CNTN6: variants seen among roughly 807,000 people sequenced by gnomAD.
CNTN6 encodes contactin 6, also known as contactin-6.
CNTN6 carries 137 observed loss-of-function variants against 122.8 expected under a neutral mutation model. The observed-to-expected ratio is 1.12, with a 90% CI of 0.97 to 1.29. The LOEUF (loss-of-function observed/expected upper bound fraction) is 1.29. CNTN6 is among the 50% of genes most tolerant of loss of function. The pLI is 0.00. For missense variants in CNTN6, 1,634 were observed against 1,223.4 expected (o/e 1.34, Z -5.01); for synonymous variants, 570 against 426.0 (o/e 1.34, Z -4.16).
At chr3:1,335,081 C>G (rs2133451) in intron 11 of CNTN6, among the ~76,000 whole-genome samples, 29,703 of 152,048 alleles carry the variant, frequency 0.2, 3,716 homozygotes, top group East Asian at 0.56. Context: ...AGTCAAAGAT[C>G]TGGGTTAAAG....
intron 1 of CNTN6, 24 bp from the exon 2 acceptor site, chr3:1,147,903 T>A: frequency 2.8e-6 from 2 of 716,770 alleles, no homozygotes; most frequent in Non-Finnish European, 4.9e-6. Flanking sequence ...GTTTTTCATT[T>A]CATGACAATT....
At chr3:1,384,758 TAC>T (rs1321490447) in intron 19 of CNTN6, among the ~76,000 whole-genome samples, 4,239 of 136,006 alleles carry the variant, frequency 0.031, 105 homozygotes, top group South Asian at 0.049. Context: ...CACATATATA[TAC>T]ATATATATAC....
At chr3:1,191,108 A>T (rs1038222039) in intron 2 of CNTN6, among the ~76,000 whole-genome samples, 12 of 152,158 alleles carry the variant, frequency 7.9e-5, no homozygotes, top group Non-Finnish European at 2.9e-5. Context: ...TAAAACTCTT[A>T]CAATTTCCTT....
At chr3:1,122,347 G>A (rs1239329938) in intron 1 of CNTN6, among the ~76,000 whole-genome samples, 1 of 145,874 alleles carries the variant, frequency 6.9e-6, no homozygotes, top group Non-Finnish European at 1.5e-5. Context: ...CGAGAGAGAG[G>A]GAAGGAGGGA....
chr3:1,369,744 C>A (rs953684198), intron 12 of CNTN6, among the ~76,000 whole-genome samples: 2 of 151,866 alleles, frequency 1.3e-5, no homozygotes, highest in African/African-American at 2.4e-5. Context: ...ACTTATCCTC[C>A]TATAAATGTA....
At chr3:1,116,520 C>T (rs916275834) in intron 1 of CNTN6, among the ~76,000 whole-genome samples, 13 of 152,032 alleles carry the variant, frequency 8.6e-5, no homozygotes, top group Admixed American at 7.2e-4. Flanking sequence ...CTATTTGAAT[C>T]TTCAGTGGAC....
chr3:1,300,528 AAAGAAAGAG>A (rs1402446112), intron 7 of CNTN6, among the ~76,000 whole-genome samples: 2,289 of 131,562 alleles, frequency 0.017, 92 homozygotes, highest in African/African-American at 0.086. Context: ...AAAGAAAGAT[AAAGAAAGAG>A]AGAGAAAGAA....
intron 1 of CNTN6, among the ~76,000 whole-genome samples, chr3:1,103,030 C>CG (rs1008033248): frequency 2.6e-5 from 4 of 151,370 alleles, no homozygotes; most frequent in Admixed American, 6.6e-5. Flanking sequence ...GGCGGGAACC[C>CG]GGGAGGCGGA....
At position 1,227,953 on chromosome 3, in the gene CNTN6, G is replaced by T. The variant is rs780463628; in HGVS notation, c.318G>T (p.Leu106=). 114 of 1,613,724 alleles carry T rather than the reference G, an allele frequency of 7.1e-5. 2 individuals are homozygous for T. In the South Asian group the frequency reaches 1.2e-3, roughly 17 times the overall value. The stretch of plus-strand genomic sequence containing the variant: ...ACCAGTGCCTGGCCACCAATCTTCT[G>T]GGGACAATTCTGAGTCGGAAGGCAA... ...GMYQCLATNL[L]GTILSRKAKL... The change falls in exon 4 of 23, where the codon CTG becomes CTT. Residue 106 remains leucine, a synonymous_variant. Coordinates refer to ENST00000446702, the MANE Select transcript of CNTN6 (RefSeq NM_001289080.2).
chr3:1,318,470 G>A (rs77437984), intron 7 of CNTN6, among the ~76,000 whole-genome samples: 1,701 of 151,884 alleles, frequency 0.011, 30 homozygotes, highest in African/African-American at 0.039. Flanking sequence ...ATTAGAGCCC[G>A]CTGGGAATTC....
chr3:1,099,715 A>G (rs2090776319), intron 1 of CNTN6, among the ~76,000 whole-genome samples: 1 of 152,150 alleles, frequency 6.6e-6, no homozygotes, highest in Non-Finnish European at 1.5e-5. Context: ...GTTTCAACAA[A>G]TGTACTTAAT....
At chr3:1,117,600 G>C (rs2091776726) in intron 1 of CNTN6, among the ~76,000 whole-genome samples, 1 of 152,128 alleles carries the variant, frequency 6.6e-6, no homozygotes, top group Non-Finnish European at 1.5e-5. Context: ...CAACCTGTTA[G>C]TATGCATTTA....
chr3:1,105,882 A>G (rs1006814261), intron 1 of CNTN6, among the ~76,000 whole-genome samples: 2 of 152,204 alleles, frequency 1.3e-5, no homozygotes, highest in African/African-American at 2.4e-5. Context: ...CATTCCAAGT[A>G]TGCTATTACA....
At chr3:1,160,052 C>T (rs372020428) in intron 2 of CNTN6, among the ~76,000 whole-genome samples, 3 of 152,058 alleles carry the variant, frequency 2.0e-5, no homozygotes, top group East Asian at 1.9e-4. Context: ...AACTCCTGAC[C>T]TCGTGATCCA....
rs367888646 is a variant in CNTN6 at position 1,230,170 on chromosome 3, C to A, written c.358+2177C>A. On this transcript the variant is annotated intron_variant, in intron 4 of 22. Coordinates refer to ENST00000446702, the MANE Select transcript of CNTN6 (RefSeq NM_001289080.2). Reference sequence around the variant, plus strand: ...CAATATCAATTGTGATAGAAAAGGCCTTTGGTAGGATAACCACAGCAGATA... The same window carrying A: ...CAATATCAATTGTGATAGAAAAGGCATTTGGTAGGATAACCACAGCAGATA... 6.6e-5 allele frequency among the ~76,000 whole-genome samples: 10 copies of A among 152,216 alleles called. No individual in the cohort carries two copies. The South Asian group carries it at 1.7e-3, about 25-fold the overall frequency.
At chr3:1,197,314 C>T (rs2093792095) in intron 2 of CNTN6, among the ~76,000 whole-genome samples, 1 of 152,178 alleles carries the variant, frequency 6.6e-6, no homozygotes, top group Admixed American at 6.5e-5. Flanking sequence ...ACCATTTTGT[C>T]TCTAACCTCA....
intron 2 of CNTN6, among the ~76,000 whole-genome samples, chr3:1,150,236 C>T (rs1367895488): frequency 6.6e-6 from 1 of 152,160 alleles, no homozygotes; most frequent in East Asian, 1.9e-4. Context: ...ATTAGATTGT[C>T]TGATGATAGA....
At position 1,329,929 on chromosome 3, in the gene CNTN6, GC is replaced by G; in HGVS notation, c.1359del (p.Ser453ArgfsTer28). 1 of 1,542,752 alleles carries G rather than the reference GC, an allele frequency of 6.5e-7. No homozygotes were observed. Among genetic ancestry groups the G allele is most frequent in the Non-Finnish European group, 8.7e-7 (1 of 1,151,318 alleles). On this transcript the variant is annotated frameshift_variant, in exon 11 of 23. Transcript: ENST00000446702. LOFTEE classifies it high-confidence loss of function. ...WKRGTETLRQ[S>X]KRIFLLEDGS... ...AGAGGAACGGAGACCCTTAGACAAA[GC>G]AAAAGGTAAACAAATCTTTATTTTT...
chr3:1,203,293 T>C (rs1292229322), intron 2 of CNTN6, among the ~76,000 whole-genome samples: 1 of 152,198 alleles, frequency 6.6e-6, no homozygotes, highest in Non-Finnish European at 1.5e-5. Flanking sequence ...CAGGAAATTA[T>C]AAATGAGCAG....
Sources: gnomAD v4.1 joint callset for allele counts (sites outside exome capture counted in the v4.1 genomes callset) on GRCh38, gnomAD v4.1.1 for gene constraint, MANE v1.5 for transcripts, NCBI Gene and HGNC (gene_info 2026-07-23, HGNC 2026-07-21) for gene names.